The following TRRAP variants were observed in gnomAD, a reference collection of about 807,000 sequenced individuals.
TRRAP encodes transformation/transcription domain associated protein, also known as transformation/transcription domain-associated protein.
A neutral mutation model predicts 438.8 loss-of-function variants in TRRAP; 41 were observed. The ratio of observed to expected loss-of-function variants is 0.09; its 90% CI spans 0.07 to 0.12. The LOEUF (loss-of-function observed/expected upper bound fraction) is 0.12. TRRAP is among the 10% of genes least tolerant of loss of function. The pLI is 1.00. For missense variants in TRRAP, 3,122 were observed against 5,055.1 expected (o/e 0.62, Z 11.60); for synonymous variants, 1,994 against 1,962.9 (o/e 1.02, Z -0.42).
At chr7:99,003,636 G>A (rs1204687526) in intron 67 of TRRAP, among the ~76,000 whole-genome samples, 1 of 152,230 alleles carries the variant, frequency 6.6e-6, no homozygotes, top group Non-Finnish European at 1.5e-5. Context: ...GGTTGGGGAT[G>A]GGGTTTCAGG....
At position 98,881,160 on chromosome 7, in the gene TRRAP, G is replaced by C; in HGVS notation, c.10G>C (p.Val4Leu). MAF[V>L]ATQGATVVDQ... ...CCAGCCCAAAAGAAAAATGGCGTTT[G>C]TTGCAACACAGGGGGCCACGGTGGT... Residue 4 changes from valine (V) to leucine (L), a missense_variant, in exon 2 of 73, where the codon GTT (valine) becomes CTT (leucine). By Grantham distance (32) the Val-to-Leu change is conservative. Transcript: ENST00000456197. 6.2e-7 allele frequency: 1 copy of C among 1,604,774 alleles called. No individual in the cohort carries two copies. The highest frequency in any genetic ancestry group is 8.5e-7 in the Non-Finnish European group (1 of 1,175,584).
chr7:98,910,283 C>G lies in TRRAP; in HGVS notation c.1578C>G (p.Pro526=). ...ATPVTPAPVP[P]FEKQGEKDKE... ...CTGTGACCCCGGCCCCCGTGCCTCC[C>G]TTCGAGAAGCAAGGAGAAAAGGACA... The change falls in exon 15 of 73, where the codon CCC becomes CCG. Residue 526 remains proline, a synonymous_variant. Transcript: ENST00000456197. The G allele has an allele frequency of 6.2e-7, 1 of 1,603,458 alleles. No homozygotes were observed. The highest frequency in any genetic ancestry group is 1.3e-5 in the African/African-American group (1 of 74,206).
chr7:98,945,020 G>A (rs545833729), intron 31 of TRRAP, among the ~76,000 whole-genome samples: 2 of 152,270 alleles, frequency 1.3e-5, no homozygotes, highest in East Asian at 3.9e-4. Context: ...GGCCAGGCTG[G>A]TCTTGAACTC....
Position 98,956,249 on chromosome 7 carries a change from T to C in TRRAP, c.6041T>C (p.Val2014Ala). ...SVTIEQRRLA[V>A]DLSEVVIKWE... ...ACCATCGAGCAGAGGCGGCTGGCCG[T>C]GGACCTGTCTGAAGTCGTCATCAAG... Residue 2014 changes from valine to alanine, a missense_variant, in exon 42 of 73, where the codon GTG becomes GCG. Around this residue, in one of 24 missense-constraint regions of TRRAP, gnomAD observed 992 missense variants for 1,281.2 expected, o/e 0.77. Transcript: ENST00000456197. The surrounding 1 kb of genome is among the most constrained non-coding windows in gnomAD (Gnocchi z 4.5). The C allele has an allele frequency of 1.2e-6, 2 of 1,614,136 alleles. No individual in the cohort carries two copies. The highest frequency in any genetic ancestry group is 1.7e-6 in the Non-Finnish European group (2 of 1,180,030).
chr7:98,994,613 G>A lies in TRRAP; in HGVS notation c.10074G>A (p.Leu3358=), dbSNP rs1793569082. The change falls in exon 67 of 73, where the codon CTG becomes CTA. Residue 3358 remains leucine (L), a synonymous_variant. Transcript: ENST00000456197. This position sits in a 1 kb window ranked among gnomAD's most constrained non-coding sequence, Gnocchi z 4.8. ...TTCTCAGGCAGCTCCAACAGGGCCTGGCGAAATGTTACTCCGTGGCGTTTG... is the reference window on the plus strand; with the variant it reads ...TTCTCAGGCAGCTCCAACAGGGCCTAGCGAAATGTTACTCCGTGGCGTTTG... ...EEVLRQLQQG[L]AKCYSVAFEK... 1.2e-6 allele frequency: 2 copies of A among 1,614,068 alleles called. No homozygotes were observed. Among genetic ancestry groups the A allele is most frequent in the Non-Finnish European group, 1.7e-6 (2 of 1,180,050 alleles).
intron 62 of TRRAP, 63 bp from the exon 63 acceptor site, chr7:98,988,702 A>G (rs1292360000): frequency 1.4e-5 from 22 of 1,565,076 alleles, no homozygotes; most frequent in Non-Finnish European, 1.8e-5. Context: ...GGTTAATTTC[A>G]GATTACGTGA....
intron 33 of TRRAP, among the ~76,000 whole-genome samples, chr7:98,946,249 C>A (rs1791050457): frequency 1.3e-5 from 2 of 149,126 alleles, no homozygotes; most frequent in African/African-American, 2.4e-5. Context: ...TATCTGAATA[C>A]ACATAGCTAG....
chr7:98,880,262 G>GTTGTTT (rs1214006753), intron 1 of TRRAP, among the ~76,000 whole-genome samples: 8 of 132,114 alleles, frequency 6.1e-5, no homozygotes, highest in East Asian at 4.4e-4. Flanking sequence ...TGTTGTTGTT[G>GTTGTTT]TTTTTTTTTT....
rs1554411728 is a variant in TRRAP at position 98,927,189 on chromosome 7, A to G, written c.2998A>G (p.Asn1000Asp). The change falls in exon 23 of 73, where the codon AAT (asparagine) becomes GAT (aspartate). Residue 1000 changes from asparagine to aspartate, a missense_variant. Physicochemically the swap from Asn to Asp is conservative, Grantham distance 23. Transcript: ENST00000456197. ...HPNFTEKTIP[N>D]VIISHRYKAQ... is the part of the protein sequence containing the mutation. ...CAGCTTTACAGAAAAGACCATCCCC[A>G]ATGTTATCATCTCACATCGCTACAA... 1 of 1,614,208 alleles carries G rather than the reference A, an allele frequency of 6.2e-7. No individual in the cohort carries two copies.
chr7:99,005,101 G>T lies in TRRAP; in HGVS notation c.10536-30G>T, dbSNP rs745307520. The stretch of plus-strand genomic sequence containing the variant: ...CAAGGACTGGTAGCAGAGATGCAGG[G>T]CATGTCCTCATGGCTTCTCGCTCTG... On this transcript the variant is annotated intron_variant, in intron 68 of 72. Coordinates refer to ENST00000456197, the MANE Select transcript of TRRAP (RefSeq NM_001375524.1). The surrounding 1 kb of genome is among the most constrained non-coding windows in gnomAD (Gnocchi z 5.1). 1.2e-6 allele frequency: 2 copies of T among 1,606,954 alleles called. No individual in the cohort carries two copies. Among genetic ancestry groups the T allele is most frequent in the Non-Finnish European group, 1.7e-6 (2 of 1,175,414 alleles).
intron 56 of TRRAP, 125 bp from the exon 57 acceptor site, chr7:98,978,086 A>G (rs769033304): frequency 1.2e-6 from 1 of 815,428 alleles, no homozygotes; most frequent in Non-Finnish European, 2.0e-6. Context: ...TAAGAGTTTG[A>G]GTCCAGCTTT....
In TRRAP at chr7:99,012,447, T is replaced by A. The variant is rs1794472523; in HGVS notation, c.*92T>A. 1 of 1,397,760 alleles carries A rather than the reference T, an allele frequency of 7.2e-7. No homozygotes were observed. Among genetic ancestry groups the A allele is most frequent in the Admixed American group, 2.6e-5 (1 of 38,104 alleles). 86.6% of individuals were successfully genotyped at this position (1,397,760 alleles called of 1,614,324 possible). A position where few individuals can be genotyped will look rare whatever the true frequency, so the allele number is the denominator to read the frequency against. On this transcript the variant is annotated 3_prime_UTR_variant, in exon 73 of 73. Coordinates refer to ENST00000456197, the MANE Select transcript of TRRAP (RefSeq NM_001375524.1). This position sits in a 1 kb window ranked among gnomAD's most constrained non-coding sequence, Gnocchi z 5.9. Reference sequence around the variant, plus strand: ...CTTCTCCCTGCCTCGTTCCTTATATTCACAGAAGCCCCATAGTTTCACTGG... The same window carrying A: ...CTTCTCCCTGCCTCGTTCCTTATATACACAGAAGCCCCATAGTTTCACTGG...
chr7:98,996,840 A>G (rs565500314), intron 67 of TRRAP, among the ~76,000 whole-genome samples: 3 of 152,312 alleles, frequency 2.0e-5, no homozygotes, highest in African/African-American at 4.8e-5. Flanking sequence ...TGCCTTGGTG[A>G]CAGAATAAAT....
Position 98,965,836 on chromosome 7 carries a change from G to T in TRRAP, c.7117G>T (p.Ala2373Ser), listed in dbSNP as rs1161361825. Residue 2373 changes from alanine (A) to serine (S), a missense_variant, in exon 49 of 73, where the codon GCT becomes TCT. Physicochemically the swap from Ala to Ser is moderately conservative, Grantham distance 99 (BLOSUM62 1). Transcript: ENST00000456197. ...EKSPDAKILRAVVKIVEEWVK... is the reference protein window; with the variant it reads ...EKSPDAKILRSVVKIVEEWVK... The stretch of plus-strand genomic sequence containing the variant: ...ATCACCAGATGCCAAAATCCTCCGG[G>T]CTGTGGTCAAAATCGTGGAAGAATG... 2 of 1,613,980 alleles carry T rather than the reference G, an allele frequency of 1.2e-6. No individual in the cohort carries two copies. The highest frequency in any genetic ancestry group is 1.7e-6 in the Non-Finnish European group (2 of 1,180,020).
At chr7:98,955,647 C>T (rs1554419432) in intron 41 of TRRAP, among the ~76,000 whole-genome samples, 1 of 152,188 alleles carries the variant, frequency 6.6e-6, no homozygotes, top group African/African-American at 2.4e-5. Context: ...GAAAGTTATT[C>T]ATGTTGCTGG....
rs141724112 is a variant in TRRAP, at chr7:98,914,490, C to A, written c.2200-1233C>A. ...CTCAAATAATTCATTTTTTTGCCAG[C>A]ATTAGATATGACTATGCAGAACAAC... is the stretch of plus-strand genomic sequence containing the variant. On this transcript the variant is annotated intron_variant, in intron 18 of 72. Coordinates refer to ENST00000456197, the MANE Select transcript of TRRAP (RefSeq NM_001375524.1). Among the ~76,000 whole-genome samples, 695 of 151,768 alleles carry A rather than the reference C, an allele frequency of 4.6e-3. 5 individuals are homozygous for A. The highest frequency in any genetic ancestry group is 0.016 in the African/African-American group (647 of 41,438).
chr7:98,964,046 A>C (rs1380304891), intron 47 of TRRAP, among the ~76,000 whole-genome samples: 1 of 150,060 alleles, frequency 6.7e-6, no homozygotes. Flanking sequence ...ACGCCACTGC[A>C]CTCCAGCCTG....
At position 98,950,911 on chromosome 7, in the gene TRRAP, C is replaced by T; in HGVS notation, c.5370C>T (p.Tyr1790=). Residue 1790 remains tyrosine, a synonymous_variant, in exon 39 of 73, where the codon TAC becomes TAT. Transcript: ENST00000456197. ...LQHILNPAFL[Y]SFEKGEGEQL... Reference sequence around the variant, plus strand: ...ATATCTTGAATCCTGCTTTCTTGTACAGCTTTGAGAAGGGGGAAGGAGAGC... The same window carrying T: ...ATATCTTGAATCCTGCTTTCTTGTATAGCTTTGAGAAGGGGGAAGGAGAGC... The T allele has an allele frequency of 5.6e-6, 9 of 1,592,944 alleles. No individual in the cohort carries two copies. The highest frequency in any genetic ancestry group is 7.7e-6 in the Non-Finnish European group (9 of 1,173,042).
chr7:98,897,734 T>C lies in TRRAP; in HGVS notation c.508-7T>C. ...TAGGAAAAAATATTTTTATGACTTT[T>C]ATGTAGAACCGCTACTTTGAGAACC... On this transcript the variant is annotated splice_polypyrimidine_tract_variant and splice_region_variant and intron_variant, in intron 7 of 72. Transcript: ENST00000456197. 1.2e-6 allele frequency: 2 copies of C among 1,611,174 alleles called. No homozygotes were observed. Among genetic ancestry groups the C allele is most frequent in the Non-Finnish European group, 1.7e-6 (2 of 1,179,116 alleles).
Sources: gnomAD v4.1 joint callset for allele counts (sites outside exome capture counted in the v4.1 genomes callset) on GRCh38, gnomAD v4.1.1 for gene constraint, gnomAD v4.1.1 regional missense constraint, Gnocchi (gnomAD v3.1) non-coding constraint, MANE v1.5 for transcripts, NCBI Gene and HGNC (gene_info 2026-07-23, HGNC 2026-07-21) for gene names.